NIPBL: variants seen among roughly 807,000 people sequenced by gnomAD.
NIPBL encodes the protein NIPBL cohesin loading factor.
NIPBL carries 19 observed loss-of-function variants against 321.8 expected under a neutral mutation model. The observed-to-expected ratio is 0.06, with a 90% CI of 0.04 to 0.09. NIPBL has a LOEUF of 0.09. Ranked by LOEUF, NIPBL falls within the 10% of genes least tolerant of loss-of-function variation. NIPBL has a pLI of 1.00. For synonymous variants in NIPBL, 1,106 were observed against 1,114.1 expected (o/e 0.99, Z 0.14); for missense variants, 2,210 against 3,327.0 (o/e 0.66, Z 8.26).
intron 4 of NIPBL, among the ~76,000 whole-genome samples, chr5:36,958,991 C>T (rs1425131242): frequency 6.6e-6 from 1 of 152,028 alleles, no homozygotes; most frequent in African/African-American, 2.4e-5. Context: ...TGGATTGCCT[C>T]AGGCCAGGAG....
At chr5:37,059,556 A>G (rs561063179) in intron 44 of NIPBL, among the ~76,000 whole-genome samples, 3 of 152,292 alleles carry the variant, frequency 2.0e-5, no homozygotes, top group African/African-American at 7.2e-5. Flanking sequence ...TGCTTACTTT[A>G]ATGTTAGAAA....
intron 44 of NIPBL, 35 bp downstream of exon 44, chr5:37,059,200 ACT>A (rs1250157060): frequency 1.9e-6 from 3 of 1,606,954 alleles, no homozygotes; most frequent in East Asian, 2.2e-5. Context: ...AAAAAACTTC[ACT>A]CTGTTCAAAT....
intron 32 of NIPBL, among the ~76,000 whole-genome samples, chr5:37,028,434 G>T (rs1463314297): frequency 6.9e-6 from 1 of 145,050 alleles, no homozygotes; most frequent in Non-Finnish European, 1.5e-5. Context: ...TCCGCCTCCT[G>T]GGTTCAAGGG....
At chr5:36,913,948 G>T (rs962507505) in intron 1 of NIPBL, among the ~76,000 whole-genome samples, 4 of 152,116 alleles carry the variant, frequency 2.6e-5, no homozygotes, top group African/African-American at 9.7e-5. Flanking sequence ...TACAACTAGG[G>T]TTTATTCTTG....
chr5:37,036,858 A>T (rs987305633), intron 33 of NIPBL, among the ~76,000 whole-genome samples: 1 of 152,032 alleles, frequency 6.6e-6, no homozygotes, highest in Non-Finnish European at 1.5e-5. Flanking sequence ...ATTATGTCTC[A>T]AAATGAAATT....
chr5:37,017,217 A>G, intron 24 of NIPBL, 55 bp downstream of exon 24: 2 of 1,471,642 alleles, frequency 1.4e-6, no homozygotes. Flanking sequence ...TTTTCTTTGC[A>G]TGTCCTTACA....
At chr5:36,885,949 G>A (rs898152094) in intron 1 of NIPBL, 2 of 735,506 alleles carry the variant, frequency 2.7e-6, no homozygotes, top group Admixed American at 3.5e-5. Context: ...CCAAGATCAT[G>A]GCAGACATAC....
chr5:37,044,752 A>C (rs752451711), intron 36 of NIPBL, 23 bp downstream of exon 36: 1 of 1,541,874 alleles, frequency 6.5e-7, no homozygotes, highest in African/African-American at 1.4e-5. Flanking sequence ...CCAGGGTTTT[A>C]AAATTATTCT....
At chr5:36,924,817 A>G (rs1580244423) in intron 1 of NIPBL, among the ~76,000 whole-genome samples, 1 of 152,174 alleles carries the variant, frequency 6.6e-6, no homozygotes, top group Admixed American at 6.5e-5. Flanking sequence ...TCCTTGTCCT[A>G]TCCCCACCCC....
At chr5:36,978,097 T>A (rs900419982) in intron 9 of NIPBL, among the ~76,000 whole-genome samples, 19 of 151,412 alleles carry the variant, frequency 1.3e-4, no homozygotes, top group Non-Finnish European at 2.5e-4. Flanking sequence ...TATAAAGTAA[T>A]TTTTTTCCCT....
Position 36,984,571 on chromosome 5 carries a change from A to T in NIPBL, c.1496-105A>T, listed in dbSNP as rs189691577. On this transcript the variant is annotated intron_variant, in intron 9 of 46. Transcript: ENST00000282516. ...CATATTTGCATTTGCATTTTACTCCATTTTAAAAACATAACCTTAAAAAGA... is the reference window on the plus strand; with the variant it reads ...CATATTTGCATTTGCATTTTACTCCTTTTTAAAAACATAACCTTAAAAAGA... The T allele has an allele frequency of 4.6e-5, 48 of 1,034,330 alleles. No homozygotes were observed. In the East Asian group the frequency reaches 1.2e-3, roughly 26 times the overall value. 64.1% of individuals were successfully genotyped at this position (1,034,330 alleles called of 1,614,324 possible). A position where few individuals can be genotyped will look rare whatever the true frequency, so the allele number is the denominator to read the frequency against.
At chr5:36,889,274 G>C (rs1339095852) in intron 1 of NIPBL, among the ~76,000 whole-genome samples, 4 of 152,080 alleles carry the variant, frequency 2.6e-5, no homozygotes, top group African/African-American at 7.2e-5. Flanking sequence ...AGTTGGATAA[G>C]AGAAAGATCT....
rs980114933 is a variant in NIPBL at position 37,000,579 on chromosome 5, TC to T, written c.3502+10del. The T allele has an allele frequency of 6.2e-7, 1 of 1,612,506 alleles. No individual in the cohort carries two copies. The highest frequency in any genetic ancestry group is 1.7e-5 in the Admixed American group (1 of 59,904). On this transcript the variant is annotated intron_variant, in intron 12 of 46. Transcript: ENST00000282516. ...TCCCAGCCTTAGTGAGGGTAATTCA[TC>T]AGTGTCAACGGATTTCTTACATAAA...
intron 45 of NIPBL, among the ~76,000 whole-genome samples, chr5:37,062,753 C>A (rs962814976): frequency 6.6e-6 from 1 of 152,094 alleles, no homozygotes; most frequent in African/African-American, 2.4e-5. Context: ...GACCCTGTCT[C>A]TACAAAAAAT....
intron 11 of NIPBL, among the ~76,000 whole-genome samples, chr5:36,998,514 G>A (rs1424608383): frequency 2.0e-5 from 3 of 152,054 alleles, no homozygotes; most frequent in African/African-American, 4.8e-5. Context: ...TCATATTCAA[G>A]GTTGTAAAAT....
At chr5:36,910,480 G>A (rs1747962716) in intron 1 of NIPBL, among the ~76,000 whole-genome samples, 1 of 152,120 alleles carries the variant, frequency 6.6e-6, no homozygotes, top group South Asian at 2.1e-4. Flanking sequence ...TTCAGTTGTT[G>A]GGTCCAACTT....
chr5:36,939,069 C>G (rs1272232155), intron 1 of NIPBL, among the ~76,000 whole-genome samples: 2 of 152,126 alleles, frequency 1.3e-5, no homozygotes, highest in Non-Finnish European at 2.9e-5. Flanking sequence ...GTAGTGTAGT[C>G]ATAGCTTATT....
At chr5:36,879,696 CT>C (rs939942674) in intron 1 of NIPBL, among the ~76,000 whole-genome samples, 1 of 151,992 alleles carries the variant, frequency 6.6e-6, no homozygotes, top group African/African-American at 2.4e-5. Context: ...TTCCAGTAAC[CT>C]TATAATCCTA....
At position 36,985,276 on chromosome 5, in the gene NIPBL, G is replaced by T. The variant is rs1457599137; in HGVS notation, c.2096G>T (p.Arg699Met). ...GGCAGATCAGAAACAACAAAATCAA[G>T]GCCTGAAACCCCAAAGCAAAAGGGT... is the stretch of plus-strand genomic sequence containing the variant. ...NNGRSETTKSRPETPKQKGES... is the reference protein window; with the variant it reads ...NNGRSETTKSMPETPKQKGES... Residue 699 changes from arginine to methionine, a missense_variant, in exon 10 of 47, where the codon AGG becomes ATG. Transcript: ENST00000282516. 6.2e-7 allele frequency: 1 copy of T among 1,613,480 alleles called. No individual in the cohort carries two copies. Among genetic ancestry groups the T allele is most frequent in the Non-Finnish European group, 8.5e-7 (1 of 1,179,902 alleles).
Sources: allele counts gnomAD v4.1 joint callset (sites outside exome capture counted in the v4.1 genomes callset), GRCh38; gene constraint gnomAD v4.1.1; transcripts MANE v1.5; gene names NCBI Gene and HGNC (gene_info 2026-07-23, HGNC 2026-07-21).